CFAP74: variants seen among roughly 807,000 people sequenced by gnomAD.
CFAP74 encodes the protein cilia- and flagella-associated protein 74.
Under a neutral mutation model 188.9 loss-of-function variants are expected in CFAP74, and 124 were observed. The ratio of observed to expected loss-of-function variants is 0.66; its 90% confidence interval spans 0.57 to 0.76. The LOEUF (loss-of-function observed/expected upper bound fraction) is 0.76, where lower values mean the gene tolerates loss of function less well. CFAP74 is among the 30% of genes least tolerant of loss of function. The pLI, the probability that CFAP74 is intolerant of heterozygous loss-of-function variation, is 0.00. For missense variants in CFAP74, 2,198 were observed against 2,165.2 expected, an observed-to-expected ratio of 1.02 and a Z score of -0.30; for synonymous variants, 956 against 916.7, an observed-to-expected ratio of 1.04 and a Z score of -0.77.
intron 6 of CFAP74, among the ~76,000 whole-genome samples, chr1:1,980,048 C>T (rs375741850): frequency 2.2e-4 from 33 of 151,904 alleles, no homozygotes; most frequent in African/African-American, 7.2e-4. Flanking sequence ...GCGTCTGGCA[C>T]GCAGTGGGCA....
chr1:1,963,805 G>A lies in CFAP74; in HGVS notation c.1638C>T (p.Ile546=). The A allele has an allele frequency of 6.2e-7, 1 of 1,614,000 alleles. No homozygotes were observed. Among genetic ancestry groups the A allele is most frequent in the Non-Finnish European group, 8.5e-7 (1 of 1,179,970 alleles). ...KITLVNTTYT[I]NYCKLVGVEE... ...CCACGCCCACCAGCTTGCAGTAGTT[G>A]ATCGTGTAGGTGGTGTTTACCAACG... Residue 546 remains isoleucine, a synonymous_variant, in exon 14 of 39, where the codon ATC becomes ATT. Coordinates refer to ENST00000682832, the MANE Select transcript of CFAP74 (RefSeq NM_001304360.2).
chr1:1,959,605 T>G (rs1168644262), intron 15 of CFAP74, among the ~76,000 whole-genome samples: 2 of 152,194 alleles, frequency 1.3e-5, no homozygotes, highest in African/African-American at 4.8e-5. Context: ...CGTGGCTACC[T>G]GGGCCAGGGC....
intron 9 of CFAP74, among the ~76,000 whole-genome samples, chr1:1,971,658 C>T (rs1656085401): frequency 6.6e-6 from 1 of 152,266 alleles, no homozygotes; most frequent in Non-Finnish European, 1.5e-5. Context: ...AATCCCCAGC[C>T]TTGGCCCCAG....
rs560882542 is a variant in CFAP74, at chr1:1,924,898, C to A, written c.4105-378G>T. Among the ~76,000 whole-genome samples the A allele has an allele frequency of 4.3e-4, 66 of 152,376 alleles. 1 individual carries two copies. The highest frequency in any genetic ancestry group is 1.5e-5 in the Non-Finnish European group (1 of 68,040). On this transcript the variant is annotated intron_variant, in intron 33 of 38. Coordinates refer to ENST00000682832, the MANE Select transcript of CFAP74 (RefSeq NM_001304360.2). ...CCCTTTCTCCATGCAACGCCCGTCT[C>A]GGGCTCTGCCTCCAGGACCCGCCCT...
chr1:1,991,809 G>A (rs1657584943), intron 1 of CFAP74, among the ~76,000 whole-genome samples: 1 of 152,226 alleles, frequency 6.6e-6, no homozygotes, highest in East Asian at 1.9e-4. Context: ...GGAGGCCAAG[G>A]TGGGCGGATC....
chr1:1,967,531 G>A (rs1218422843), intron 11 of CFAP74, among the ~76,000 whole-genome samples: 1 of 152,138 alleles, frequency 6.6e-6, no homozygotes. Flanking sequence ...GCCCCGGCGT[G>A]AGACGGGCAG....
At chr1:1,963,921 G>T in intron 13 of CFAP74, 54 bp from the exon 14 acceptor site, 1 of 1,163,552 alleles carries the variant, frequency 8.6e-7, no homozygotes, top group Non-Finnish European at 1.3e-6. Context: ...GCTGTGCTGT[G>T]AGCACCGAGG....
At chr1:1,974,981 G>A (rs566257103) in intron 6 of CFAP74, among the ~76,000 whole-genome samples, 33 of 152,346 alleles carry the variant, frequency 2.2e-4, no homozygotes, top group African/African-American at 7.2e-4. Flanking sequence ...GACTGCGAAC[G>A]GTTCCACCCA....
chr1:1,996,570 A>G (rs898744854), intron 1 of CFAP74, among the ~76,000 whole-genome samples: 1 of 152,170 alleles, frequency 6.6e-6, no homozygotes, highest in African/African-American at 2.4e-5. Context: ...AATCAGATTA[A>G]GTGTGTGTAA....
intron 9 of CFAP74, 62 bp from the exon 10 acceptor site, chr1:1,970,878 C>T (rs1278265713): frequency 1.9e-6 from 3 of 1,584,006 alleles, no homozygotes; most frequent in East Asian, 2.2e-5. Context: ...CACACGCTCA[C>T]ACCTGCACAT....
chr1:1,973,747 G>C lies in CFAP74; in HGVS notation c.674+278C>G, dbSNP rs1375931954. Among the ~76,000 whole-genome samples, 1 of 152,106 alleles carries C rather than the reference G, an allele frequency of 6.6e-6. No homozygotes were observed. Among genetic ancestry groups the C allele is most frequent in the African/African-American group, 2.4e-5 (1 of 41,416 alleles). On this transcript the variant is annotated intron_variant, in intron 7 of 38. Coordinates refer to ENST00000682832, the MANE Select transcript of CFAP74 (RefSeq NM_001304360.2). This position sits in a 1 kb window ranked among gnomAD's most constrained non-coding sequence, Gnocchi z 6.2. ...GGAGGGAAAGGGGAGGGGCAGTCTT[G>C]CTGGAGCGTGGCTTTAGTAGCCAGC...
intron 30 of CFAP74, 35 bp from the exon 31 acceptor site, chr1:1,926,547 C>T (rs981371328): frequency 9.7e-6 from 15 of 1,549,764 alleles, no homozygotes; most frequent in Non-Finnish European, 1.2e-5. Flanking sequence ...GCCCCAGCCC[C>T]AGGCCCCAGG....
chr1:1,944,865 C>T (rs1329522963), intron 20 of CFAP74, among the ~76,000 whole-genome samples: 2 of 152,162 alleles, frequency 1.3e-5, no homozygotes, highest in Admixed American at 6.5e-5. Flanking sequence ...CTCGGCCTCC[C>T]AAAGTGCAGG....
chr1:1,926,666 C>T lies in CFAP74; in HGVS notation c.3758G>A (p.Gly1253Asp). ...TAGCGTCTCACCCACAGCGACGTCG[C>T]CGAAGTTAAAGATGGTCTTGCCTTT... is the stretch of plus-strand genomic sequence containing the variant. ...SHKGKTIFNFGDVAVGHRSIK... is the reference protein window; with the variant it reads ...SHKGKTIFNFDDVAVGHRSIK... Residue 1253 changes from glycine to aspartate, a missense_variant, in exon 30 of 39, where the codon GGC becomes GAC. Gly to Asp is a moderately conservative substitution (Grantham distance 94, BLOSUM62 -1). Coordinates refer to ENST00000682832, the MANE Select transcript of CFAP74 (RefSeq NM_001304360.2). The T allele has an allele frequency of 6.5e-7, 1 of 1,550,100 alleles. No homozygotes were observed. The highest frequency in any genetic ancestry group is 8.7e-7 in the Non-Finnish European group (1 of 1,146,810).
At chr1:1,970,932 C>T in intron 9 of CFAP74, 116 bp from the exon 10 acceptor site, 1 of 1,202,504 alleles carries the variant, frequency 8.3e-7, no homozygotes, top group African/African-American at 1.6e-5. Flanking sequence ...CACACGTGCA[C>T]ACACACATGC....
chr1:1,986,299 T>C (rs1657231736), intron 5 of CFAP74, among the ~76,000 whole-genome samples: 1 of 152,152 alleles, frequency 6.6e-6, no homozygotes, highest in Non-Finnish European at 1.5e-5. Context: ...CAGCAGAGAA[T>C]TGCTTAAACC....
intron 9 of CFAP74, among the ~76,000 whole-genome samples, chr1:1,971,408 T>C (rs559266629): frequency 6.6e-6 from 1 of 151,050 alleles, no homozygotes; most frequent in Non-Finnish European, 1.5e-5. Flanking sequence ...CGGTCACACA[T>C]GCACACATGC....
rs1283580021 is a variant in CFAP74 at position 1,975,713 on chromosome 1, T to G, written c.501-1515A>C. Among the ~76,000 whole-genome samples the G allele has an allele frequency of 3.3e-5, 5 of 152,136 alleles. No individual in the cohort carries two copies. Among genetic ancestry groups the G allele is most frequent in the African/African-American group, 1.2e-4 (5 of 41,430 alleles). On this transcript the variant is annotated intron_variant, in intron 6 of 38. Coordinates refer to ENST00000682832, the MANE Select transcript of CFAP74 (RefSeq NM_001304360.2). This position sits in a 1 kb window ranked among gnomAD's most constrained non-coding sequence, Gnocchi z 4.5. ...CGCGGAGCTTCCACGGGCGGGTTAT[T>G]TCTATTCCTCCCTCGCGTGACTCAT...
At chr1:1,970,596 G>A in intron 10 of CFAP74, 63 bp downstream of exon 10, 1 of 1,525,006 alleles carries the variant, frequency 6.6e-7, no homozygotes, top group Non-Finnish European at 8.9e-7. Flanking sequence ...AACCCCCTTG[G>A]CTCTCCCTGC....
Sources: allele counts gnomAD v4.1 joint callset (sites outside exome capture counted in the v4.1 genomes callset), GRCh38; gene constraint gnomAD v4.1.1; non-coding constraint Gnocchi (gnomAD v3.1); transcripts MANE v1.5; gene names NCBI Gene and HGNC (gene_info 2026-07-23, HGNC 2026-07-21).